ERI1: variants seen among roughly 807,000 people sequenced by gnomAD.
ERI1 encodes the protein exoribonuclease 1.
ERI1 carries 39 observed loss-of-function variants against 39.7 expected under a neutral mutation model. The observed-to-expected ratio is 0.98, with a 90% confidence interval of 0.76 to 1.28. The LOEUF (loss-of-function observed/expected upper bound fraction) is 1.28, where lower values mean the gene tolerates loss of function less well. Among genes scored for constraint, ERI1 ranks in the 50% most tolerant of loss-of-function variants. ERI1 has a pLI of 0.00. For missense variants in ERI1, 581 were observed against 416.9 expected, an observed-to-expected ratio of 1.39 and a Z score of -3.43; for synonymous variants, 204 against 149.6, an observed-to-expected ratio of 1.36 and a Z score of -2.65.
intron 3 of ERI1, among the ~76,000 whole-genome samples, chr8:9,092,034 G>A (rs1799723345): frequency 6.6e-6 from 1 of 152,176 alleles, no homozygotes. Flanking sequence ...TCGGCTCACT[G>A]CAACCTCCGC....
chr8:9,006,124 C>T (rs962143489), intron 1 of ERI1, among the ~76,000 whole-genome samples: 8 of 152,164 alleles, frequency 5.3e-5, no homozygotes, highest in Non-Finnish European at 2.9e-5. Context: ...TGCAGATTAA[C>T]AATACAAGTA....
chr8:9,024,407 C>CTTT lies in ERI1; in HGVS notation c.807+3944_807+3945insTTT, dbSNP rs1554519008. On this transcript the variant is annotated intron_variant, in intron 6 of 6. Coordinates refer to ENST00000250263, the MANE Select transcript of ERI1 (RefSeq NM_153332.4). ...TCTTTTTGCTTTTCTCTTCTTTTTTCTCTTTTCTTTTCTTTTCTTTTCTTT... is the reference window on the plus strand; with the variant it reads ...TCTTTTTGCTTTTCTCTTCTTTTTTCTTTTCTTTTCTTTTCTTTTCTTTTCTTT... Among the ~76,000 whole-genome samples the CTTT allele has an allele frequency of 5.7e-3, 864 of 151,164 alleles. 7 individuals are homozygous for CTTT. Among genetic ancestry groups the CTTT allele is most frequent in the African/African-American group, 0.02 (831 of 40,862 alleles).
intron 3 of ERI1, among the ~76,000 whole-genome samples, chr8:9,067,997 C>T (rs1289656431): frequency 6.6e-6 from 1 of 152,108 alleles, no homozygotes; most frequent in East Asian, 1.9e-4. Context: ...TCAACAGTCT[C>T]CTTCCCCCAA....
chr8:9,064,237 G>T (rs1326836791), intron 3 of ERI1, among the ~76,000 whole-genome samples: 3 of 638 alleles, frequency 4.7e-3, no homozygotes, highest in African/African-American at 0.016. Context: ...AAGGAGAAGG[G>T]GGGTTGGGGG....
chr8:9,044,008 A>T (rs748619544), intron 3 of ERI1, among the ~76,000 whole-genome samples: 1 of 152,242 alleles, frequency 6.6e-6, no homozygotes. Flanking sequence ...ACCTGGGTTT[A>T]GATCTTGGTT....
intron 3 of ERI1, among the ~76,000 whole-genome samples, chr8:9,053,118 G>A (rs1458871132): frequency 1.3e-5 from 2 of 152,204 alleles, no homozygotes; most frequent in Non-Finnish European, 2.9e-5. Context: ...CCGGGTTCAA[G>A]AGATTCTCCT....
At chr8:9,008,907 T>C (rs1011855434) in intron 2 of ERI1, 3 of 422,962 alleles carry the variant, frequency 7.1e-6, no homozygotes, top group South Asian at 3.4e-5. Flanking sequence ...AATAGTAGTA[T>C]TCTTCCTCTT....
intron 6 of ERI1, among the ~76,000 whole-genome samples, chr8:9,020,758 T>A (rs117040937): frequency 8.5e-4 from 129 of 152,314 alleles, no homozygotes; most frequent in Non-Finnish European, 1.4e-3. Context: ...GATTTTAATT[T>A]TACTTCACAT....
downstream of ERI1, among the ~76,000 whole-genome samples, chr8:9,038,094 T>C (rs531541065): frequency 9.7e-4 from 148 of 152,290 alleles, no homozygotes; most frequent in Non-Finnish European, 1.9e-3. Flanking sequence ...AATATTGACA[T>C]TTAAAACAAA....
In ERI1 at chr8:9,030,086, C is replaced by A. The variant is rs552296678; in HGVS notation, c.*52C>A. 165 of 1,600,138 alleles carry A rather than the reference C, an allele frequency of 1.0e-4. 3 individuals carry two copies. The South Asian group carries it at 1.8e-3, about 18-fold the overall frequency. Reference sequence around the variant, plus strand: ...AATTGAAGTTGCTATGAAGAGGTAGCAGATGAATCTCATTGAATTAGTCCT... The same window carrying A: ...AATTGAAGTTGCTATGAAGAGGTAGAAGATGAATCTCATTGAATTAGTCCT... On this transcript the variant is annotated 3_prime_UTR_variant, in exon 7 of 7. Transcript: ENST00000250263.
intron 3 of ERI1, among the ~76,000 whole-genome samples, chr8:9,077,443 G>T (rs1799242516): frequency 6.6e-6 from 1 of 152,164 alleles, no homozygotes; most frequent in Non-Finnish European, 1.5e-5. Flanking sequence ...GTGCCTATGT[G>T]CACAGGAGCC....
In ERI1 at chr8:9,030,068, G is replaced by C. The variant is rs1025411277; in HGVS notation, c.*34G>C. ...TTGTGTGTGGATCATTCCAATTGAA[G>C]TTGCTATGAAGAGGTAGCAGATGAA... On this transcript the variant is annotated 3_prime_UTR_variant, in exon 7 of 7. Coordinates refer to ENST00000250263, the MANE Select transcript of ERI1 (RefSeq NM_153332.4). 1 of 1,606,770 alleles carries C rather than the reference G, an allele frequency of 6.2e-7. No homozygotes were observed. Among genetic ancestry groups the C allele is most frequent in the Non-Finnish European group, 8.5e-7 (1 of 1,174,220 alleles).
At chr8:9,068,923 C>T (rs1290150092) in intron 3 of ERI1, among the ~76,000 whole-genome samples, 1 of 152,092 alleles carries the variant, frequency 6.6e-6, no homozygotes, top group African/African-American at 2.4e-5. Flanking sequence ...CTCAAGCAAT[C>T]CTCTTGCCTC....
intron 3 of ERI1, among the ~76,000 whole-genome samples, chr8:9,054,404 A>G (rs1051771339): frequency 5.9e-5 from 9 of 151,862 alleles, no homozygotes; most frequent in African/African-American, 2.2e-4. Context: ...TCTATTCTTT[A>G]TGTAATTGGA....
chr8:9,024,417 T>C (rs1025396), intron 6 of ERI1, among the ~76,000 whole-genome samples: 6,680 of 150,784 alleles, frequency 0.044, 483 homozygotes, highest in African/African-American at 0.15. Context: ...CTCTTTTCTT[T>C]TCTTTTCTTT....
chr8:9,004,756 A>G (rs1361702281), intron 1 of ERI1, among the ~76,000 whole-genome samples: 1 of 18,154 alleles, frequency 5.5e-5, no homozygotes, highest in Admixed American at 7.2e-4. Context: ...GCATGGTCTC[A>G]GCTTACTGCA....
chr8:9,023,641 T>C (rs1472950715), intron 6 of ERI1, among the ~76,000 whole-genome samples: 1 of 152,102 alleles, frequency 6.6e-6, no homozygotes, highest in Non-Finnish European at 1.5e-5. Flanking sequence ...CAATTAGTTG[T>C]ATAAGTAGAA....
rs577297946 is a variant in ERI1, at chr8:9,057,647, C to T, written n.299+37183C>T. On this transcript the variant is annotated intron_variant and non_coding_transcript_variant, in intron 3 of 3. Transcript: ENST00000518663. ...AAAATCCCTCTTTGTACGGACTGTACATTCTAGTGAGGAGAGGAAGAAAGT... is the reference window on the plus strand; with the variant it reads ...AAAATCCCTCTTTGTACGGACTGTATATTCTAGTGAGGAGAGGAAGAAAGT... Among the ~76,000 whole-genome samples the T allele has an allele frequency of 2.4e-3, 361 of 152,298 alleles. 1 individual carries two copies. The highest frequency in any genetic ancestry group is 4.8e-3 in the South Asian group (23 of 4,830).
At chr8:9,055,164 C>T (rs780900439) in intron 3 of ERI1, among the ~76,000 whole-genome samples, 14 of 152,150 alleles carry the variant, frequency 9.2e-5, no homozygotes, top group South Asian at 8.3e-4. Flanking sequence ...ATACAGAAAA[C>T]GGAAGTGAGG....
Sources: allele counts gnomAD v4.1 joint callset (sites outside exome capture counted in the v4.1 genomes callset), GRCh38; gene constraint gnomAD v4.1.1; transcripts MANE v1.5; gene names NCBI Gene and HGNC (gene_info 2026-07-23, HGNC 2026-07-21).